The following JARID2 variants were observed in gnomAD, a reference collection of about 807,000 sequenced individuals.
JARID2 encodes the protein protein Jumonji.
In JARID2, 21 loss-of-function variants were observed where a neutral mutation model predicts 125.6. The ratio of observed to expected loss-of-function variants is 0.17; its 90% CI spans 0.12 to 0.24. The LOEUF is 0.24. Ranked by LOEUF, JARID2 falls within the 10% of genes least tolerant of loss-of-function variation. The probability of loss-of-function intolerance (pLI) is 1.00; values close to 1 mark genes in which losing one functional copy is unlikely to be tolerated. For synonymous variants in JARID2, 736 were observed against 661.6 expected, an observed-to-expected ratio of 1.11 and a Z score of -1.73; for missense variants, 1,303 against 1,639.6, an observed-to-expected ratio of 0.79 and a Z score of 3.55.
Position 15,496,228 on chromosome 6 carries a change from A to G in JARID2, c.1003A>G (p.Thr335Ala), listed in dbSNP as rs1284445781. ...MREVRPSPSK[T>A]VKYTATVTKG... ...CGAGGTCAGACCTTCACCATCCAAA[A>G]CTGTGAAGTACACTGCCACGGTGAC... Residue 335 changes from threonine (T) to alanine (A), a missense_variant, in exon 7 of 18, where the codon ACT becomes GCT. Physicochemically the swap from Thr to Ala is moderately conservative, Grantham distance 58. This residue lies in a region of JARID2 where 651 missense variants were observed against 581.6 expected (regional missense o/e 1.12). Coordinates refer to ENST00000341776, the MANE Select transcript of JARID2 (RefSeq NM_004973.4). The G allele has an allele frequency of 6.2e-7, 1 of 1,614,076 alleles. No homozygotes were observed. The highest frequency in any genetic ancestry group is 2.2e-5 in the East Asian group (1 of 44,866).
chr6:15,470,231 C>T (rs1029172924), intron 5 of JARID2, among the ~76,000 whole-genome samples: 1 of 151,492 alleles, frequency 6.6e-6, no homozygotes, highest in Non-Finnish European at 1.5e-5. Context: ...GAATGGGAGT[C>T]AGGAGATATG....
chr6:15,341,105 A>G (rs1561802719), intron 1 of JARID2, among the ~76,000 whole-genome samples: 1 of 152,204 alleles, frequency 6.6e-6, no homozygotes, highest in Non-Finnish European at 1.5e-5. Context: ...GATGTTAGAA[A>G]AAGTGTTATT....
rs903681949 is a variant in JARID2, at chr6:15,497,188, G to T, written c.1945+18G>T. 10 of 1,522,996 alleles carry T rather than the reference G, an allele frequency of 6.6e-6. No individual in the cohort carries two copies. The Admixed American group carries it at 1.4e-4, about 21-fold the overall frequency. 94.3% of individuals were successfully genotyped at this position (1,522,996 alleles called of 1,614,324 possible). Reference sequence around the variant, plus strand: ...GCTCATAGGTAGGTCTGGGCGGGGGGTCAGGGGGTGGTGCCTGCCCTCCTG... The same window carrying T: ...GCTCATAGGTAGGTCTGGGCGGGGGTTCAGGGGGTGGTGCCTGCCCTCCTG... On this transcript the variant is annotated intron_variant, in intron 7 of 17. Transcript: ENST00000341776.
intron 1 of JARID2, among the ~76,000 whole-genome samples, chr6:15,258,551 A>G (rs936692114): frequency 7.9e-5 from 12 of 152,228 alleles, no homozygotes; most frequent in African/African-American, 2.9e-4. Context: ...TGGGAGGCCA[A>G]GGCGGGCGGA....
chr6:15,496,862 G>T lies in JARID2; in HGVS notation c.1637G>T (p.Gly546Val). Residue 546 changes from glycine (G) to valine (V), a missense_variant, in exon 7 of 18, where the codon GGC (glycine) becomes GTC (valine). Physicochemically the swap from Gly to Val is moderately radical, Grantham distance 109. Transcript: ENST00000341776. Reference sequence around the variant, plus strand: ...GACTCGGGCAAGGCCGAGAAGGGCGGCGGCAAGGCCGGGTGGGCGGCCATG... The same window carrying T: ...GACTCGGGCAAGGCCGAGAAGGGCGTCGGCAAGGCCGGGTGGGCGGCCATG... ...PQDSGKAEKG[G>V]GKAGWAAMDE... The T allele has an allele frequency of 6.2e-7, 1 of 1,601,316 alleles. No individual in the cohort carries two copies. The highest frequency in any genetic ancestry group is 8.5e-7 in the Non-Finnish European group (1 of 1,171,512).
intron 1 of JARID2, among the ~76,000 whole-genome samples, chr6:15,282,279 C>T (rs533298086): frequency 4.7e-5 from 7 of 148,916 alleles, no homozygotes; most frequent in East Asian, 2.0e-4. Flanking sequence ...TTTTTCCTTC[C>T]GAAAACCTTC....
chr6:15,484,356 G>A (rs755059982), intron 5 of JARID2, among the ~76,000 whole-genome samples: 1 of 152,260 alleles, frequency 6.6e-6, no homozygotes, highest in Admixed American at 6.5e-5. Flanking sequence ...GGCATGGTCA[G>A]TGTGGACAAA....
intron 1 of JARID2, among the ~76,000 whole-genome samples, chr6:15,295,904 A>C (rs1428927887): frequency 6.6e-6 from 1 of 151,688 alleles, no homozygotes; most frequent in Non-Finnish European, 1.5e-5. Flanking sequence ...CTCATGATCC[A>C]CCCTCCTTGG....
At chr6:15,341,320 T>C (rs992014844) in intron 1 of JARID2, among the ~76,000 whole-genome samples, 4 of 152,210 alleles carry the variant, frequency 2.6e-5, no homozygotes, top group Admixed American at 6.5e-5. Flanking sequence ...GTGGAAGATA[T>C]TTAAAAAGTT....
Position 15,497,063 on chromosome 6 carries a change from A to T in JARID2, c.1838A>T (p.His613Leu). The change falls in exon 7 of 18, where the codon CAC (histidine) becomes CTC (leucine). Residue 613 changes from histidine (H) to leucine (L), a missense_variant. Coordinates refer to ENST00000341776, the MANE Select transcript of JARID2 (RefSeq NM_004973.4). ...ATGCGGTTTGTCACGCAGATTCAGC[A>T]CATCCACAAGCTGGGCCGGCGCTGG... ...DEMRFVTQIQ[H>L]IHKLGRRWGP... 6.2e-7 allele frequency: 1 copy of T among 1,608,482 alleles called. No individual in the cohort carries two copies. The highest frequency in any genetic ancestry group is 1.7e-5 in the Admixed American group (1 of 59,528).
At chr6:15,334,956 T>C (rs1415896870) in intron 1 of JARID2, among the ~76,000 whole-genome samples, 1 of 152,214 alleles carries the variant, frequency 6.6e-6, no homozygotes, top group Non-Finnish European at 1.5e-5. Flanking sequence ...AATTTCTTCA[T>C]GATGCAGATT....
intron 3 of JARID2, among the ~76,000 whole-genome samples, chr6:15,416,205 T>A (rs1378938162): frequency 6.9e-6 from 1 of 144,578 alleles, no homozygotes; most frequent in Non-Finnish European, 1.5e-5. Flanking sequence ...CTTTCCAGAC[T>A]GGGTAGCCAG....
intron 1 of JARID2, among the ~76,000 whole-genome samples, chr6:15,294,134 C>A (rs6907856): frequency 0.024 from 3,597 of 152,232 alleles, 155 homozygotes; most frequent in African/African-American, 0.081. Flanking sequence ...TGAAAGCTTC[C>A]AGGAAAAGGA....
intron 1 of JARID2, among the ~76,000 whole-genome samples, chr6:15,253,489 G>C (rs1759534501): frequency 6.6e-6 from 1 of 152,174 alleles, no homozygotes; most frequent in East Asian, 1.9e-4. Context: ...ACTTCTTGCA[G>C]GTGGCTTTTG....
chr6:15,436,405 C>CT (rs1204765297), intron 3 of JARID2, among the ~76,000 whole-genome samples: 1 of 152,236 alleles, frequency 6.6e-6, no homozygotes, highest in Non-Finnish European at 1.5e-5. Flanking sequence ...CAACCAGCCG[C>CT]TTGTGTCGTC....
intron 1 of JARID2, among the ~76,000 whole-genome samples, chr6:15,279,130 C>T (rs1252696818): frequency 3.0e-5 from 4 of 133,848 alleles, no homozygotes; most frequent in African/African-American, 1.2e-4. Context: ...TATTGTATAA[C>T]AAAATTCATA....
At chr6:15,360,159 C>T (rs1419654192) in intron 1 of JARID2, among the ~76,000 whole-genome samples, 3 of 151,774 alleles carry the variant, frequency 2.0e-5, no homozygotes, top group African/African-American at 7.3e-5. Flanking sequence ...TTATTTATTT[C>T]TATTTTATTC....
chr6:15,294,867 A>T (rs1212606921), intron 1 of JARID2, among the ~76,000 whole-genome samples: 2 of 152,160 alleles, frequency 1.3e-5, no homozygotes, highest in Non-Finnish European at 2.9e-5. Context: ...GATATCTGGG[A>T]ACTTGGGACA....
At position 15,504,598 on chromosome 6, in the gene JARID2, A is replaced by C; in HGVS notation, c.2541+6A>C. The C allele has an allele frequency of 1.9e-6, 3 of 1,604,876 alleles. No individual in the cohort carries two copies. Among genetic ancestry groups the C allele is most frequent in the Non-Finnish European group, 2.6e-6 (3 of 1,171,570 alleles). On this transcript the variant is annotated splice_donor_region_variant and intron_variant, in intron 9 of 17. Transcript: ENST00000341776. Reference sequence around the variant, plus strand: ...CTGCCCCAGCCGAAATCGAGGTGAGAGAAGGGGCCCCTCACGCTGCCTCTC... The same window carrying C: ...CTGCCCCAGCCGAAATCGAGGTGAGCGAAGGGGCCCCTCACGCTGCCTCTC...
Sources: allele counts gnomAD v4.1 joint callset (sites outside exome capture counted in the v4.1 genomes callset), GRCh38; gene constraint gnomAD v4.1.1; regional missense constraint gnomAD v4.1.1; transcripts MANE v1.5; gene names NCBI Gene and HGNC (gene_info 2026-07-23, HGNC 2026-07-21).